The following ACACA variants were observed in gnomAD, a reference collection of about 807,000 sequenced individuals.
ACACA encodes acetyl-CoA carboxylase 1.
Under a neutral mutation model 296.1 loss-of-function variants are expected in ACACA, and 103 were observed. The ratio of observed to expected loss-of-function variants is 0.35; its 90% confidence interval spans 0.30 to 0.41. The LOEUF is 0.41. Ranked by LOEUF, ACACA falls within the 10% of genes least tolerant of loss-of-function variation. The pLI, the probability that ACACA is intolerant of heterozygous loss-of-function variation, is 1.00. For missense variants in ACACA, 1,554 were observed against 2,989.7 expected, an observed-to-expected ratio of 0.52 and a Z score of 11.20; for synonymous variants, 953 against 1,038.6, an observed-to-expected ratio of 0.92 and a Z score of 1.58.
At chr17:37,090,189 C>T (rs2072518176) in intron 54 of ACACA, among the ~76,000 whole-genome samples, 2 of 152,162 alleles carry the variant, frequency 1.3e-5, no homozygotes, top group East Asian at 1.9e-4. Flanking sequence ...GTCTTCATCA[C>T]AAGAGGCCTC....
chr17:37,397,930 T>TA (rs1337963790), intron 1 of ACACA, among the ~76,000 whole-genome samples: 1 of 151,654 alleles, frequency 6.6e-6, no homozygotes, highest in African/African-American at 2.4e-5. Context: ...TGGGCACAAA[T>TA]AAAAAAATGT....
At chr17:37,198,296 G>A (rs1018256181) in intron 35 of ACACA, among the ~76,000 whole-genome samples, 1 of 152,170 alleles carries the variant, frequency 6.6e-6, no homozygotes, top group Non-Finnish European at 1.5e-5. Flanking sequence ...CTATAGATGT[G>A]AAGATTCCAT....
chr17:37,111,769 G>T, intron 51 of ACACA, 126 bp from the exon 52 acceptor site: 1 of 752,494 alleles, frequency 1.3e-6, no homozygotes, highest in South Asian at 1.5e-5. Flanking sequence ...GCCCACCTAT[G>T]GTTAACAGAC....
At chr17:37,218,108 AAT>A (rs1317878832) in intron 29 of ACACA, among the ~76,000 whole-genome samples, 2 of 151,034 alleles carry the variant, frequency 1.3e-5, no homozygotes, top group Admixed American at 1.3e-4. Context: ...GCAACATAAG[AAT>A]AATAATTTTT....
intron 41 of ACACA, among the ~76,000 whole-genome samples, chr17:37,173,332 G>T (rs75082597): frequency 3.9e-5 from 6 of 152,106 alleles, no homozygotes; most frequent in African/African-American, 1.4e-4. Flanking sequence ...GGGTTATGGT[G>T]GTTTTTCTAA....
At chr17:37,377,271 C>G (rs2050040942) in intron 1 of ACACA, among the ~76,000 whole-genome samples, 2 of 152,268 alleles carry the variant, frequency 1.3e-5, no homozygotes, top group Admixed American at 6.5e-5. Context: ...TTTCTTAACT[C>G]TATTTGACCT....
At position 37,248,297 on chromosome 17, in the gene ACACA, C is replaced by T; in HGVS notation, c.2164-141G>A. 3 of 1,111,814 alleles carry T rather than the reference C, an allele frequency of 2.7e-6. No individual in the cohort carries two copies. The Admixed American group carries it at 6.0e-5, about 22-fold the overall frequency. The allele number at this position is 1,111,814 out of a possible 1,614,324, so 68.9% of individuals were successfully genotyped here. A position where few individuals can be genotyped will look rare whatever the true frequency, so the allele number is the denominator to read the frequency against. On this transcript the variant is annotated intron_variant, in intron 17 of 55. Coordinates refer to ENST00000616317, the MANE Select transcript of ACACA (RefSeq NM_198834.3). ...GCACTGATGCTATTTGCATCAGTGT[C>T]TGTGGACATGGCTCAGTCCTGCTGT...
At chr17:37,374,087 A>G (rs1052688982) in intron 1 of ACACA, among the ~76,000 whole-genome samples, 1 of 152,064 alleles carries the variant, frequency 6.6e-6, no homozygotes, top group Non-Finnish European at 1.5e-5. Context: ...GTCTGGGTGC[A>G]GTGGCTCACA....
At chr17:37,202,962 C>CTTTTT (rs57395863) in intron 33 of ACACA, among the ~76,000 whole-genome samples, 1 of 140,012 alleles carries the variant, frequency 7.1e-6, no homozygotes, top group Admixed American at 7.1e-5. Context: ...GAAGAAAATG[C>CTTTTT]TTTTTTTTTT....
At chr17:37,101,832 T>C (rs2073377139) in intron 52 of ACACA, among the ~76,000 whole-genome samples, 2 of 152,180 alleles carry the variant, frequency 1.3e-5, no homozygotes, top group African/African-American at 4.8e-5. Context: ...AATACAATAA[T>C]AGGTAAAGTC....
At chr17:37,217,662 G>A (rs1345389677) in intron 29 of ACACA, among the ~76,000 whole-genome samples, 1 of 147,172 alleles carries the variant, frequency 6.8e-6, no homozygotes, top group African/African-American at 2.5e-5. Context: ...TTGAACCCAG[G>A]AGGCAGAGCT....
At chr17:37,395,361 C>G (rs1465488922) in intron 1 of ACACA, among the ~76,000 whole-genome samples, 1 of 150,232 alleles carries the variant, frequency 6.7e-6, no homozygotes. Context: ...ACTCAGGAGA[C>G]TGAGGTTGCG....
At chr17:37,283,180 C>T (rs2082622109) in intron 5 of ACACA, 87 bp downstream of exon 5, 2 of 1,517,456 alleles carry the variant, frequency 1.3e-6, no homozygotes, top group Non-Finnish European at 1.8e-6. Context: ...TTGGGAATCC[C>T]CCTAAGTTAA....
intron 50 of ACACA, 109 bp downstream of exon 50, chr17:37,121,246 G>T (rs2074513488): frequency 1.4e-6 from 2 of 1,477,796 alleles, no homozygotes; most frequent in Admixed American, 3.4e-5. Context: ...TCCCCAAAAA[G>T]CCTAGGCTAT....
intron 3 of ACACA, among the ~76,000 whole-genome samples, chr17:37,298,996 G>A (rs1428926133): frequency 6.6e-6 from 1 of 152,188 alleles, no homozygotes; most frequent in Non-Finnish European, 1.5e-5. Context: ...TTCCCTTCAG[G>A]AAATAATAGC....
At chr17:37,347,665 G>A (rs562915430) in intron 1 of ACACA, among the ~76,000 whole-genome samples, 123 of 151,266 alleles carry the variant, frequency 8.1e-4, no homozygotes, top group Non-Finnish European at 1.5e-3. Context: ...CACTTTGGAA[G>A]GCTGAGGCAG....
intron 4 of ACACA, among the ~76,000 whole-genome samples, chr17:37,284,215 A>G (rs1244788998): frequency 6.6e-6 from 1 of 152,216 alleles, no homozygotes; most frequent in African/African-American, 2.4e-5. Context: ...GGAATCTCTA[A>G]GTATATCATG....
intron 45 of ACACA, among the ~76,000 whole-genome samples, chr17:37,136,892 A>G (rs1014048746): frequency 4.6e-5 from 7 of 151,958 alleles, no homozygotes; most frequent in African/African-American, 1.4e-4. Context: ...GCAGTGAGCC[A>G]AGATTGCACC....
chr17:37,267,254 G>C (rs1232563892), intron 10 of ACACA, among the ~76,000 whole-genome samples: 4 of 152,136 alleles, frequency 2.6e-5, no homozygotes, highest in Non-Finnish European at 5.9e-5. Context: ...ATAGTCATCT[G>C]GCAGCTCAAC....
Sources: allele counts gnomAD v4.1 joint callset (sites outside exome capture counted in the v4.1 genomes callset), GRCh38; gene constraint gnomAD v4.1.1; transcripts MANE v1.5; gene names NCBI Gene and HGNC (gene_info 2026-07-23, HGNC 2026-07-21).